Variants in E2F1 observed in about 807,000 individuals in gnomAD.
E2F1 encodes the protein E2F transcription factor 1, also known as transcription factor E2F1.
In E2F1, 7 loss-of-function variants were observed where a neutral mutation model predicts 36.9. The ratio of observed to expected loss-of-function variants is 0.19; its 90% CI spans 0.11 to 0.36. The LOEUF is 0.36. Ranked by LOEUF, E2F1 falls within the 10% of genes least tolerant of loss-of-function variation. The pLI is 1.00. For missense variants in E2F1, 406 were observed against 573.6 expected, an observed-to-expected ratio of 0.71 and a Z score of 2.99; for synonymous variants, 261 against 263.1, an observed-to-expected ratio of 0.99 and a Z score of 0.08.
At chr20:33,681,041 AT>A (rs1016090744) in intron 1 of E2F1, among the ~76,000 whole-genome samples, 13 of 151,092 alleles carry the variant, frequency 8.6e-5, no homozygotes, top group African/African-American at 2.7e-4. Flanking sequence ...TTAAGGCACT[AT>A]TTTTTTTTCT....
chr20:33,677,148 G>A lies in E2F1; in HGVS notation c.1023C>T (p.Ser341=). ...GAGACTGGCTGGGATCTGTGGTGAG[G>A]GATGAGGGGGGAGATGATGGTGGTG... ...VSPPPSSPPS[S]LTTDPSQSLL... Residue 341 remains serine (S), a synonymous_variant, in exon 6 of 7, where the codon TCC becomes TCT. Coordinates refer to ENST00000343380, the MANE Select transcript of E2F1 (RefSeq NM_005225.3). 1 of 1,614,132 alleles carries A rather than the reference G, an allele frequency of 6.2e-7. No homozygotes were observed. The highest frequency in any genetic ancestry group is 8.5e-7 in the Non-Finnish European group (1 of 1,179,994).
chr20:33,684,091 C>G (rs1013442041), intron 1 of E2F1, among the ~76,000 whole-genome samples: 2 of 152,228 alleles, frequency 1.3e-5, no homozygotes, highest in African/African-American at 4.8e-5. Context: ...GGGCCTAGTG[C>G]CTCCTGGGCA....
intron 4 of E2F1, 134 bp from the exon 5 acceptor site, chr20:33,677,674 C>T (rs1412842231): frequency 4.3e-5 from 27 of 628,724 alleles, no homozygotes; most frequent in East Asian, 5.6e-5. Flanking sequence ...ACCTACCTCA[C>T]GCCTGAGTTT....
chr20:33,680,470 C>T, intron 1 of E2F1, 54 bp from the exon 2 acceptor site: 1 of 1,559,162 alleles, frequency 6.4e-7, no homozygotes, highest in Non-Finnish European at 8.8e-7. Flanking sequence ...CAGAAGAGAC[C>T]TGGCTTAAGG....
intron 1 of E2F1, among the ~76,000 whole-genome samples, chr20:33,682,596 C>T (rs1464519742): frequency 6.6e-6 from 1 of 152,248 alleles, no homozygotes; most frequent in Admixed American, 6.5e-5. Context: ...CCCTTGTCCA[C>T]CCCTGAAGGC....
At chr20:33,684,609 GC>G (rs1168817766) in intron 1 of E2F1, among the ~76,000 whole-genome samples, 1 of 152,228 alleles carries the variant, frequency 6.6e-6, no homozygotes, top group Non-Finnish European at 1.5e-5. Context: ...AAAAGGGACT[GC>G]TGCTGATGGG....
chr20:33,686,337 G>A lies in E2F1; in HGVS notation c.-73C>T, dbSNP rs2018069825. 4.1e-6 allele frequency: 4 copies of A among 987,572 alleles called. No individual in the cohort carries two copies. Among genetic ancestry groups the A allele is most frequent in the Non-Finnish European group, 4.8e-6 (4 of 830,696 alleles). The allele number at this position is 987,572 out of a possible 1,614,324, so 61.2% of individuals were successfully genotyped here. A position where few individuals can be genotyped will look rare whatever the true frequency, so the allele number is the denominator to read the frequency against. On this transcript the variant is annotated 5_prime_UTR_variant, in exon 1 of 7. Coordinates refer to ENST00000343380, the MANE Select transcript of E2F1 (RefSeq NM_005225.3). ...CGGGCCCATGGCGGCAGGCCTCGGC[G>A]AGGGCTCGATCCCGCTCCGCCCCCG...
chr20:33,682,040 G>C (rs548540143), intron 1 of E2F1, among the ~76,000 whole-genome samples: 48 of 129,442 alleles, frequency 3.7e-4, no homozygotes, highest in African/African-American at 1.2e-3. Flanking sequence ...GAAACCTTAC[G>C]CATCAGCTAG....
chr20:33,681,288 C>G (rs2018015165), intron 1 of E2F1, among the ~76,000 whole-genome samples: 1 of 152,222 alleles, frequency 6.6e-6, no homozygotes, highest in Non-Finnish European at 1.5e-5. Flanking sequence ...ATTCTCCCAT[C>G]TCAGCCTTCA....
intron 2 of E2F1, among the ~76,000 whole-genome samples, 157 bp downstream of exon 2, chr20:33,680,169 C>A (rs893182433): frequency 1.3e-5 from 2 of 152,234 alleles, no homozygotes; most frequent in Admixed American, 1.3e-4. Context: ...CCTGGAGAAA[C>A]CAAGCCAGGT....
At position 33,678,368 on chromosome 20, in the gene E2F1, C is replaced by T. The variant is rs768935757; in HGVS notation, c.573-15G>A. On this transcript the variant is annotated splice_polypyrimidine_tract_variant and intron_variant, in intron 3 of 6. Transcript: ENST00000343380. ...TGTGGCTGCCCCTGTGGGGAGGCAC[C>T]AGGGAGGGTAGGGTTAACAGCGATT... 1 of 1,611,368 alleles carries T rather than the reference C, an allele frequency of 6.2e-7. No individual in the cohort carries two copies.
Position 33,677,409 on chromosome 20 carries a change from G to A in E2F1, c.840+17C>T. On this transcript the variant is annotated intron_variant, in intron 5 of 6. Transcript: ENST00000343380. The stretch of plus-strand genomic sequence containing the variant: ...GCCCAGCCCAGCCCAGTTGGGCCCG[G>A]AGTTCCCAGATCTCACCTCCGAAGA... 1.2e-6 allele frequency: 2 copies of A among 1,613,274 alleles called. No homozygotes were observed. The highest frequency in any genetic ancestry group is 2.2e-5 in the East Asian group (1 of 44,870).
intron 1 of E2F1, among the ~76,000 whole-genome samples, chr20:33,685,234 G>A (rs1156428919): frequency 6.6e-6 from 1 of 152,178 alleles, no homozygotes; most frequent in Non-Finnish European, 1.5e-5. Flanking sequence ...GATTAATGAG[G>A]TTCCATGGCA....
intron 1 of E2F1, among the ~76,000 whole-genome samples, 188 bp downstream of exon 1, chr20:33,685,816 G>C (rs1168651640): frequency 6.6e-6 from 1 of 152,166 alleles, no homozygotes; most frequent in African/African-American, 2.4e-5. Flanking sequence ...ACAGGGACCG[G>C]CCCGAGGTCA....
In E2F1 at chr20:33,686,115, G is replaced by A. The variant is rs937547685; in HGVS notation, c.150C>T (p.Gly50=). The A allele has an allele frequency of 6.0e-5, 64 of 1,066,972 alleles. No homozygotes were observed. The highest frequency in any genetic ancestry group is 6.8e-5 in the Non-Finnish European group (60 of 884,830). The allele number at this position is 1,066,972 out of a possible 1,614,324, so 66.1% of individuals were successfully genotyped here. A position where few individuals can be genotyped will look rare whatever the true frequency, so the allele number is the denominator to read the frequency against. The change falls in exon 1 of 7, where the codon GGC becomes GGT. Residue 50 remains glycine (G), a synonymous_variant. Coordinates refer to ENST00000343380, the MANE Select transcript of E2F1 (RefSeq NM_005225.3). ...AGGGGCCGGCGGCGGGCGCCGCGGG[G>A]CCGGTGGGAGCCGGCGGGGCGCTGG... ...QDASAPPAPT[G]PAAPAAGPCD... is the part of the protein sequence containing the mutation.
rs1329261524 is a variant in E2F1, at chr20:33,686,252, C to T, written c.13G>A (p.Gly5Arg). ...GCGCATGGGCCGCCCGCAGGGGCCC[C>T]GGCCAAGGCCATGACGCTCACGGCC... MALA[G>R]APAGGPCAPA... is the part of the protein sequence containing the mutation. The change falls in exon 1 of 7, where the codon GGG (glycine) becomes AGG (arginine). Residue 5 changes from glycine to arginine, a missense_variant. Transcript: ENST00000343380. The T allele has an allele frequency of 7.9e-6, 8 of 1,012,378 alleles. No homozygotes were observed. The highest frequency in any genetic ancestry group is 4.7e-6 in the Non-Finnish European group (4 of 849,434). The allele number at this position is 1,012,378 out of a possible 1,614,324, so 62.7% of individuals were successfully genotyped here.
chr20:33,678,534 C>T (rs34954426), intron 3 of E2F1, among the ~76,000 whole-genome samples, 181 bp from the exon 4 acceptor site: 1 of 152,180 alleles, frequency 6.6e-6, no homozygotes, highest in African/African-American at 2.4e-5. Flanking sequence ...GGCTTGAAGT[C>T]TGGCCCGAAT....
chr20:33,680,273 C>T, intron 2 of E2F1, 53 bp downstream of exon 2: 1 of 1,572,774 alleles, frequency 6.4e-7, no homozygotes, highest in Middle Eastern at 1.7e-4. Flanking sequence ...TGTTCACATC[C>T]CTAACCTGGG....
intron 2 of E2F1, 60 bp from the exon 3 acceptor site, chr20:33,680,034 G>A (rs2018003943): frequency 7.2e-7 from 1 of 1,391,288 alleles, no homozygotes; most frequent in African/African-American, 1.4e-5. Flanking sequence ...CCTCCAGCCA[G>A]GCCTGCCACT....
Sources: allele counts gnomAD v4.1 joint callset (sites outside exome capture counted in the v4.1 genomes callset), GRCh38; gene constraint gnomAD v4.1.1; transcripts MANE v1.5; gene names NCBI Gene and HGNC (gene_info 2026-07-23, HGNC 2026-07-21).